The following CNDP1 variants were observed in gnomAD, a reference collection of about 807,000 sequenced individuals.
The protein encoded by CNDP1 is carnosine dipeptidase 1, also known as beta-Ala-His dipeptidase.
In CNDP1, 44 loss-of-function variants were observed where a neutral mutation model predicts 58.1. The observed-to-expected ratio is 0.76, with a 90% CI of 0.60 to 0.97. The LOEUF is 0.97. Ranked by LOEUF, CNDP1 falls within the 50% of genes least tolerant of loss-of-function variation. The pLI is 0.00. For synonymous variants in CNDP1, 254 were observed against 252.6 expected, an observed-to-expected ratio of 1.01 and a Z score of -0.05; for missense variants, 616 against 655.1, an observed-to-expected ratio of 0.94 and a Z score of 0.65.
chr18:74,556,628 G>A (rs1307107415), intron 2 of CNDP1, among the ~76,000 whole-genome samples, 162 bp downstream of exon 2: 2 of 152,168 alleles, frequency 1.3e-5, no homozygotes, highest in African/African-American at 4.8e-5. Flanking sequence ...GTATTCATTA[G>A]ACAGATGGAC....
In CNDP1 at chr18:74,551,888, T is replaced by A. The variant is rs569183185; in HGVS notation, c.25-4450T>A. 4.0e-5 allele frequency among the ~76,000 whole-genome samples: 6 copies of A among 150,966 alleles called. No homozygotes were observed. In the East Asian group the frequency reaches 9.7e-4, roughly 24 times the overall value. Reference sequence around the variant, plus strand: ...ATAAAAGCTCAAATGTTAATGTAGATGGATCAATTGGATCGATTGCGAAAA... The same window carrying A: ...ATAAAAGCTCAAATGTTAATGTAGAAGGATCAATTGGATCGATTGCGAAAA... On this transcript the variant is annotated intron_variant, in intron 1 of 11. Coordinates refer to ENST00000358821, the MANE Select transcript of CNDP1 (RefSeq NM_032649.6).
At position 74,567,357 on chromosome 18, in the gene CNDP1, C is replaced by A; in HGVS notation, c.680C>A (p.Ser227Ter). The A allele has an allele frequency of 6.2e-7, 1 of 1,614,122 alleles. No individual in the cohort carries two copies. The highest frequency in any genetic ancestry group is 1.1e-5 in the South Asian group (1 of 91,082). ...FFSGVDYIVI[S>*]DNLWISQRKP... is the part of the protein sequence containing the mutation. ...TCTGGTGTGGACTACATTGTAATTT[C>A]AGATAACCTGTGGATCAGCCAAAGG... Residue 227 changes from serine (S) to a stop codon, truncating the protein, a stop_gained, in exon 6 of 12, where the codon TCA becomes TAA. Transcript: ENST00000358821. LOFTEE classifies it high-confidence loss of function.
rs1240763507 is a variant in CNDP1, at chr18:74,576,964, A to G, written c.937A>G (p.Ile313Val). The G allele has an allele frequency of 6.2e-7, 1 of 1,613,836 alleles. No homozygotes were observed. Among genetic ancestry groups the G allele is most frequent in the Non-Finnish European group, 8.5e-7 (1 of 1,179,880 alleles). Reference sequence around the variant, plus strand: ...AGAGGAAATAAATACATACAAAGCCATCCATCTAGACCTAGAAGAATACCG... The same window carrying G: ...AGAGGAAATAAATACATACAAAGCCGTCCATCTAGACCTAGAAGAATACCG... ...TEEEINTYKA[I>V]HLDLEEYRNS... The change falls in exon 8 of 12, where the codon ATC (isoleucine) becomes GTC (valine). Residue 313 changes from isoleucine to valine, a missense_variant. Coordinates refer to ENST00000358821, the MANE Select transcript of CNDP1 (RefSeq NM_032649.6).
At chr18:74,579,213 C>CCTTG (rs779031214) in intron 9 of CNDP1, among the ~76,000 whole-genome samples, 2,546 of 56,316 alleles carry the variant, frequency 0.045, 38 homozygotes, top group African/African-American at 0.062. Context: ...GCCTTCCCTT[C>CCTTG]CCTTCCCTTC....
At chr18:74,566,357 G>A (rs1333063763) in intron 5 of CNDP1, among the ~76,000 whole-genome samples, 6 of 152,200 alleles carry the variant, frequency 3.9e-5, no homozygotes, top group Non-Finnish European at 8.8e-5. Flanking sequence ...CAGAAAATGG[G>A]TTTTTCTTTT....
At chr18:74,575,544 A>G (rs1981609613) in intron 7 of CNDP1, among the ~76,000 whole-genome samples, 1 of 152,170 alleles carries the variant, frequency 6.6e-6, no homozygotes. Context: ...CTAAATCTCA[A>G]CATCTGCTGC....
rs937899220 is a variant in CNDP1, at chr18:74,556,334, C to T, written c.25-4C>T. 3.1e-6 allele frequency: 5 copies of T among 1,611,242 alleles called. No individual in the cohort carries two copies. The highest frequency in any genetic ancestry group is 4.2e-6 in the Non-Finnish European group (5 of 1,179,586). On this transcript the variant is annotated splice_region_variant and splice_polypyrimidine_tract_variant and intron_variant, in intron 1 of 11. Transcript: ENST00000358821. ...TTCGTTCCTCCCATGTCAAACCCTT[C>T]CAGGCTGCGTCCCTGCTGGCTGTGC...
chr18:74,539,915 C>A (rs546914488), intron 1 of CNDP1, among the ~76,000 whole-genome samples: 3 of 152,322 alleles, frequency 2.0e-5, no homozygotes, highest in Admixed American at 2.0e-4. Flanking sequence ...CAGCAAATTC[C>A]AGACATTGCA....
intron 5 of CNDP1, among the ~76,000 whole-genome samples, chr18:74,566,258 C>G (rs1272898660): frequency 1.3e-5 from 2 of 152,214 alleles, no homozygotes; most frequent in African/African-American, 4.8e-5. Context: ...TCTGACATGA[C>G]CTGGAGACAT....
intron 2 of CNDP1, among the ~76,000 whole-genome samples, 193 bp from the exon 3 acceptor site, chr18:74,559,130 C>T (rs754245177): frequency 1.3e-5 from 2 of 152,176 alleles, no homozygotes; most frequent in Non-Finnish European, 2.9e-5. Context: ...CTTCTGGGTT[C>T]CTGATTAAAT....
At chr18:74,560,795 TTG>T in intron 3 of CNDP1, 59 bp from the exon 4 acceptor site, 1 of 1,524,208 alleles carries the variant, frequency 6.6e-7, no homozygotes, top group Non-Finnish European at 9.1e-7. Flanking sequence ...TGTCATGTCT[TTG>T]AATTTTCTGG....
At position 74,571,244 on chromosome 18, in the gene CNDP1, C is replaced by G; in HGVS notation, c.815C>G (p.Pro272Arg). The change falls in exon 7 of 12, where the codon CCA becomes CGA. Residue 272 changes from proline (P) to arginine (R), a missense_variant. Coordinates refer to ENST00000358821, the MANE Select transcript of CNDP1 (RefSeq NM_032649.6). ...ACCTTTGGTGGCATCCTTCATGAAC[C>G]AATGGCTGATCTGGTTGCTCTTCTC... ...SGTFGGILHE[P>R]MADLVALLGS... 6.2e-7 allele frequency: 1 copy of G among 1,612,660 alleles called. No individual in the cohort carries two copies. Among genetic ancestry groups the G allele is most frequent in the Non-Finnish European group, 8.5e-7 (1 of 1,178,754 alleles).
intron 2 of CNDP1, among the ~76,000 whole-genome samples, chr18:74,558,024 C>A (rs1161820781): frequency 6.6e-6 from 1 of 152,240 alleles, no homozygotes; most frequent in Non-Finnish European, 1.5e-5. Flanking sequence ...ATCCACTGAA[C>A]TTATGGAGAA....
At chr18:74,574,442 C>T (rs2144572787) in intron 7 of CNDP1, among the ~76,000 whole-genome samples, 1 of 152,272 alleles carries the variant, frequency 6.6e-6, no homozygotes, top group Admixed American at 6.5e-5. Flanking sequence ...AGCCATAAAA[C>T]AGAAAAGGCC....
intron 7 of CNDP1, 39 bp downstream of exon 7, chr18:74,571,309 A>G: frequency 7.3e-7 from 1 of 1,377,332 alleles, no homozygotes; most frequent in Non-Finnish European, 1.0e-6. Context: ...AGCATCAGGG[A>G]TCAACTAAAA....
At chr18:74,569,664 C>T (rs946521511) in intron 6 of CNDP1, among the ~76,000 whole-genome samples, 3 of 152,114 alleles carry the variant, frequency 2.0e-5, no homozygotes, top group Non-Finnish European at 4.4e-5. Context: ...CAATGTCAGG[C>T]TTTTACTGAT....
In CNDP1 at chr18:74,585,994, C is replaced by CAAAAA. The variant is rs35859995; in HGVS notation, c.*1453_*1457dup. On this transcript the variant is annotated 3_prime_UTR_variant, in exon 12 of 12. Transcript: ENST00000358821. ...GGGCGACAGAGTGAGACTCCGTCTC[C>CAAAAA]AAAAAAAAAAAAAAAAAAAAAAAAA... The CAAAAA allele has an allele frequency of 4.4e-5, 3 of 68,226 alleles. No individual in the cohort carries two copies. The highest frequency in any genetic ancestry group is 4.8e-4 in the East Asian group (1 of 2,066). The allele number at this position is 68,226 out of a possible 1,614,324, so 4.2% of individuals were successfully genotyped here.
At chr18:74,559,268 C>A in intron 2 of CNDP1, 55 bp from the exon 3 acceptor site, 3 of 1,595,394 alleles carry the variant, frequency 1.9e-6, no homozygotes, top group Admixed American at 1.7e-5. Context: ...TTCGCTCCCC[C>A]CGCAGAGCAG....
intron 1 of CNDP1, among the ~76,000 whole-genome samples, chr18:74,550,997 C>A (rs1050048935): frequency 6.6e-6 from 1 of 152,068 alleles, no homozygotes; most frequent in Admixed American, 6.5e-5. Context: ...ACTCTCATGT[C>A]GAAATGTAAT....
Sources: gnomAD v4.1 joint callset for allele counts (sites outside exome capture counted in the v4.1 genomes callset) on GRCh38, gnomAD v4.1.1 for gene constraint, MANE v1.5 for transcripts, NCBI Gene and HGNC (gene_info 2026-07-23, HGNC 2026-07-21) for gene names.